Variants in DACH1 observed in about 807,000 individuals in gnomAD.
The protein encoded by DACH1 is dachshund family transcription factor 1, also known as dachshund homolog 1.
Under a neutral mutation model 54.2 loss-of-function variants are expected in DACH1, and 12 were observed. The ratio of observed to expected loss-of-function variants is 0.22; its 90% CI spans 0.14 to 0.36. The LOEUF is 0.36. Among genes scored for constraint, DACH1 ranks in the 10% least tolerant of loss-of-function variants. The probability of loss-of-function intolerance (pLI) is 1.00; values close to 1 mark genes in which losing one functional copy is unlikely to be tolerated. For missense variants in DACH1, 805 were observed against 929.8 expected (o/e 0.87, Z 1.75); for synonymous variants, 386 against 366.2 (o/e 1.05, Z -0.62).
intron 1 of DACH1, among the ~76,000 whole-genome samples, chr13:71,772,239 A>G (rs564168300): frequency 6.6e-6 from 1 of 151,830 alleles, no homozygotes; most frequent in South Asian, 2.1e-4. Flanking sequence ...TAAACATACT[A>G]AGGAATAGAC....
intron 1 of DACH1, among the ~76,000 whole-genome samples, chr13:71,748,022 C>T (rs1300207868): frequency 6.6e-6 from 1 of 152,164 alleles, no homozygotes; most frequent in Non-Finnish European, 1.5e-5. Flanking sequence ...TGGGGGACAG[C>T]ATGTTGACTT....
intron 4 of DACH1, 148 bp from the exon 5 acceptor site, chr13:71,560,103 A>T: frequency 2.1e-6 from 2 of 959,062 alleles, no homozygotes; most frequent in Non-Finnish European, 2.9e-6. Context: ...ACTAAAAGAT[A>T]TGTTTATCTT....
chr13:71,795,024 A>C (rs584391), intron 1 of DACH1, among the ~76,000 whole-genome samples: 78,036 of 151,376 alleles, frequency 0.52, 21,703 homozygotes, highest in East Asian at 0.86. Context: ...ATAAACCATT[A>C]TTGGAAGTCC....
intron 1 of DACH1, among the ~76,000 whole-genome samples, chr13:71,857,395 C>T (rs1030399970): frequency 6.6e-6 from 1 of 151,540 alleles, no homozygotes; most frequent in Non-Finnish European, 1.5e-5. Context: ...AAATTAAAGC[C>T]AATTGTATTT....
intron 2 of DACH1, among the ~76,000 whole-genome samples, chr13:71,653,627 A>G (rs983719541): frequency 1.9e-4 from 29 of 152,212 alleles, no homozygotes; most frequent in African/African-American, 6.8e-4. Context: ...CAAAAATATT[A>G]GAATATTTTG....
chr13:71,601,429 A>G (rs1172660840), intron 3 of DACH1, among the ~76,000 whole-genome samples: 3 of 152,030 alleles, frequency 2.0e-5, no homozygotes, highest in Admixed American at 2.0e-4. Context: ...TCAACGCATC[A>G]CTACATAGTA....
intron 6 of DACH1, among the ~76,000 whole-genome samples, chr13:71,501,365 T>C (rs542116862): frequency 3.3e-4 from 50 of 152,238 alleles, no homozygotes; most frequent in African/African-American, 1.1e-3. Context: ...ATTTAGTAAA[T>C]GTTAAGAGAT....
At chr13:71,619,224 T>TA (rs913032265) in intron 3 of DACH1, among the ~76,000 whole-genome samples, 1 of 151,936 alleles carries the variant, frequency 6.6e-6, no homozygotes, top group Non-Finnish European at 1.5e-5. Flanking sequence ...ACCACAAATG[T>TA]ACTGCAGAGA....
intron 1 of DACH1, among the ~76,000 whole-genome samples, chr13:71,765,956 T>C (rs932735166): frequency 2.0e-5 from 3 of 149,868 alleles, no homozygotes; most frequent in Non-Finnish European, 4.4e-5. Flanking sequence ...GCGCGATCTC[T>C]GCTCACTGCA....
At chr13:71,552,098 C>T (rs1883852295) in intron 6 of DACH1, among the ~76,000 whole-genome samples, 1 of 151,744 alleles carries the variant, frequency 6.6e-6, no homozygotes, top group Admixed American at 6.6e-5. Context: ...CTTATGAAAA[C>T]AAATGAAGAG....
chr13:71,550,130 T>C (rs778759787), intron 6 of DACH1, among the ~76,000 whole-genome samples: 9 of 152,166 alleles, frequency 5.9e-5, no homozygotes, highest in Non-Finnish European at 1.0e-4. Flanking sequence ...TTATGAATTG[T>C]AAATAGATAA....
chr13:71,736,447 G>A (rs991590715), intron 1 of DACH1, among the ~76,000 whole-genome samples: 2 of 151,810 alleles, frequency 1.3e-5, no homozygotes, highest in Non-Finnish European at 2.9e-5. Flanking sequence ...ACAGCTTAAG[G>A]AAAAAAGGTA....
At chr13:71,628,807 C>G (rs1876854816) in intron 3 of DACH1, among the ~76,000 whole-genome samples, 1 of 152,070 alleles carries the variant, frequency 6.6e-6, no homozygotes, top group Admixed American at 6.6e-5. Context: ...ACCATGTTCT[C>G]TTTATCTTAT....
chr13:71,832,589 A>T (rs1384295423), intron 1 of DACH1, among the ~76,000 whole-genome samples: 1 of 151,972 alleles, frequency 6.6e-6, no homozygotes, highest in Non-Finnish European at 1.5e-5. Context: ...ATAGAAAATT[A>T]TACTTAAAAA....
chr13:71,663,941 A>C (rs1436461295), intron 2 of DACH1, among the ~76,000 whole-genome samples: 2 of 151,948 alleles, frequency 1.3e-5, no homozygotes, highest in Non-Finnish European at 2.9e-5. Context: ...CACCTGTTGG[A>C]AACAGTACAC....
At chr13:71,657,359 G>A (rs1879181543) in intron 2 of DACH1, among the ~76,000 whole-genome samples, 1 of 151,756 alleles carries the variant, frequency 6.6e-6, no homozygotes, top group African/African-American at 2.4e-5. Context: ...GGGCATGGTG[G>A]CATATGCCTA....
chr13:71,706,077 G>A (rs563706192), intron 1 of DACH1, among the ~76,000 whole-genome samples: 49 of 151,890 alleles, frequency 3.2e-4, no homozygotes, highest in African/African-American at 1.2e-3. Context: ...TTTACCACCA[G>A]CTTCAAGTCA....
At chr13:71,553,652 G>GTATATATA (rs368486773) in intron 6 of DACH1, among the ~76,000 whole-genome samples, 70 of 138,464 alleles carry the variant, frequency 5.1e-4, no homozygotes, top group African/African-American at 1.8e-3. Context: ...TATATATATA[G>GTATATATA]TATATATATA....
At chr13:71,521,238 T>C (rs931753499) in intron 6 of DACH1, among the ~76,000 whole-genome samples, 2 of 152,082 alleles carry the variant, frequency 1.3e-5, no homozygotes, top group Non-Finnish European at 2.9e-5. Flanking sequence ...ATATTTGGCA[T>C]ATAGTGTGTG....
Sources: allele counts gnomAD v4.1 joint callset (sites outside exome capture counted in the v4.1 genomes callset), GRCh38; gene constraint gnomAD v4.1.1; transcripts MANE v1.5; gene names NCBI Gene and HGNC (gene_info 2026-07-23, HGNC 2026-07-21).